Variants in TENM4 observed in about 807,000 individuals in gnomAD.
TENM4 encodes the protein teneurin-4.
Under a neutral mutation model 243.3 loss-of-function variants are expected in TENM4, and 82 were observed. That is an observed-to-expected ratio of 0.34 (90% CI 0.28 to 0.40). The LOEUF (loss-of-function observed/expected upper bound fraction) is 0.40. Ranked by LOEUF, TENM4 falls within the 10% of genes least tolerant of loss-of-function variation. The pLI is 1.00. For synonymous variants in TENM4, 1,412 were observed against 1,456.3 expected, an observed-to-expected ratio of 0.97 and a Z score of 0.69; for missense variants, 3,138 against 3,673.3, an observed-to-expected ratio of 0.85 and a Z score of 3.77.
chr11:78,666,170 T>A (rs1858155375), intron 32 of TENM4, among the ~76,000 whole-genome samples: 1 of 152,218 alleles, frequency 6.6e-6, no homozygotes, highest in Non-Finnish European at 1.5e-5. Flanking sequence ...TGATTGCACA[T>A]CTTTTTAAAT....
At chr11:78,850,280 C>T (rs909429519) in intron 12 of TENM4, among the ~76,000 whole-genome samples, 7 of 152,176 alleles carry the variant, frequency 4.6e-5, no homozygotes, top group African/African-American at 1.7e-4. Flanking sequence ...TTGTGAAACA[C>T]AATTATTTCT....
chr11:79,198,347 C>T lies in TENM4; in HGVS notation c.-163+17461G>A, dbSNP rs535863207. ...CACATAAACTAAACAAGTGTCCAAGCTCAGGCACCACCCACAGAAGTTCAG... is the reference window on the plus strand; with the variant it reads ...CACATAAACTAAACAAGTGTCCAAGTTCAGGCACCACCCACAGAAGTTCAG... On this transcript the variant is annotated intron_variant, in intron 3 of 33. Coordinates refer to ENST00000278550, the MANE Select transcript of TENM4 (RefSeq NM_001098816.3). 2.0e-5 allele frequency among the ~76,000 whole-genome samples: 3 copies of T among 152,286 alleles called. No individual in the cohort carries two copies. The South Asian group carries it at 6.2e-4, about 32-fold the overall frequency.
chr11:78,838,168 G>C (rs1858161347), intron 12 of TENM4, among the ~76,000 whole-genome samples: 1 of 152,090 alleles, frequency 6.6e-6, no homozygotes, highest in African/African-American at 2.4e-5. Flanking sequence ...TCAATTATTA[G>C]TGTGGTTAAA....
chr11:79,081,696 G>A (rs1860678928), intron 4 of TENM4, among the ~76,000 whole-genome samples: 1 of 152,154 alleles, frequency 6.6e-6, no homozygotes, highest in African/African-American at 2.4e-5. Context: ...CAGAACTGCT[G>A]CCCAATGGAT....
chr11:78,827,351 C>T (rs1413933912), intron 12 of TENM4, among the ~76,000 whole-genome samples: 3 of 152,098 alleles, frequency 2.0e-5, no homozygotes, highest in Admixed American at 1.3e-4. Flanking sequence ...CAAATTACTC[C>T]CCACCTGAAC....
At chr11:78,769,868 T>A (rs1361611813) in intron 18 of TENM4, among the ~76,000 whole-genome samples, 2 of 152,204 alleles carry the variant, frequency 1.3e-5, no homozygotes, top group Non-Finnish European at 2.9e-5. Context: ...TCAAGGCAAA[T>A]AAACCACAGA....
intron 6 of TENM4, among the ~76,000 whole-genome samples, chr11:78,964,321 G>A (rs1368343353): frequency 2.0e-5 from 3 of 152,286 alleles, no homozygotes; most frequent in Non-Finnish European, 2.9e-5. Flanking sequence ...GATTACAGGT[G>A]TGAGCCACCG....
chr11:79,017,905 T>A (rs1235632247), intron 6 of TENM4, among the ~76,000 whole-genome samples: 1 of 152,190 alleles, frequency 6.6e-6, no homozygotes, highest in Non-Finnish European at 1.5e-5. Context: ...AGTCTTTGAA[T>A]GTGGAGTCCT....
At chr11:78,775,135 A>C (rs1856716133) in intron 17 of TENM4, among the ~76,000 whole-genome samples, 1 of 152,250 alleles carries the variant, frequency 6.6e-6, no homozygotes, top group Non-Finnish European at 1.5e-5. Context: ...AAGTCTTAGA[A>C]TAAAGAAAGC....
At chr11:78,967,006 T>G (rs1265952906) in intron 6 of TENM4, among the ~76,000 whole-genome samples, 1 of 152,150 alleles carries the variant, frequency 6.6e-6, no homozygotes, top group African/African-American at 2.4e-5. Flanking sequence ...TTGTTCCTCC[T>G]CCCTGGGGCA....
At chr11:79,206,013 C>T (rs958896231) in intron 3 of TENM4, among the ~76,000 whole-genome samples, 1 of 152,184 alleles carries the variant, frequency 6.6e-6, no homozygotes, top group African/African-American at 2.4e-5. Context: ...GGCCAGGGTG[C>T]CCACTTGCTT....
At chr11:79,285,856 G>A (rs554291533) in intron 2 of TENM4, among the ~76,000 whole-genome samples, 5 of 152,174 alleles carry the variant, frequency 3.3e-5, no homozygotes, top group Non-Finnish European at 7.3e-5. Context: ...TAGATTAGTG[G>A]AGTGGTTGGC....
At chr11:79,085,238 G>T (rs1591270382) in intron 4 of TENM4, among the ~76,000 whole-genome samples, 1 of 152,016 alleles carries the variant, frequency 6.6e-6, no homozygotes, top group Middle Eastern at 3.4e-3. Flanking sequence ...TTAGCGGGGT[G>T]TGGTGGCGGG....
chr11:78,950,142 C>T (rs1040597476), intron 6 of TENM4, among the ~76,000 whole-genome samples: 1 of 152,144 alleles, frequency 6.6e-6, no homozygotes, highest in Non-Finnish European at 1.5e-5. Flanking sequence ...GGCCACTGCC[C>T]CTTACCATTA....
In TENM4 at chr11:79,220,113, G is replaced by A. The variant is rs76241236; in HGVS notation, c.-264-4204C>T. ...GAAGAATGTCAGTGAGAAACTCAGC[G>A]TTCCTGTGCCCTGGGCTGACCCCCT... On this transcript the variant is annotated intron_variant, in intron 2 of 33. Coordinates refer to ENST00000278550, the MANE Select transcript of TENM4 (RefSeq NM_001098816.3). Among the ~76,000 whole-genome samples the A allele has an allele frequency of 6.4e-3, 980 of 152,344 alleles. 12 individuals are homozygous for A. Among genetic ancestry groups the A allele is most frequent in the East Asian group, 0.038 (195 of 5,180 alleles).
At chr11:79,337,833 AG>A (rs1857172453) in intron 1 of TENM4, among the ~76,000 whole-genome samples, 1 of 152,228 alleles carries the variant, frequency 6.6e-6, no homozygotes. Flanking sequence ...GGCCTTGCCA[AG>A]GACAGGGGCA....
In TENM4 at chr11:78,826,074, TCC is replaced by T. The variant is rs1450839402; in HGVS notation, c.1682-11681_1682-11680del. 6.2e-5 allele frequency among the ~76,000 whole-genome samples: 7 copies of T among 112,020 alleles called. No homozygotes were observed. In the East Asian group the frequency reaches 1.1e-3, roughly 18 times the overall value. The allele number at this position is 112,020 out of a possible 152,430, so 73.5% of individuals were successfully genotyped here. ...AACCAAATAGAAAACCAAATCCCCC[TCC>T]TTTTTTTTTTTTTTTTTTTTTTTTT... On this transcript the variant is annotated intron_variant, in intron 12 of 33. Transcript: ENST00000278550.
intron 1 of TENM4, among the ~76,000 whole-genome samples, chr11:79,427,866 T>A (rs1271059372): frequency 6.6e-6 from 1 of 152,196 alleles, no homozygotes; most frequent in Non-Finnish European, 1.5e-5. Context: ...GGAACTGGAA[T>A]CTTTCCACGG....
chr11:79,212,846 G>C (rs1206229354), intron 3 of TENM4, among the ~76,000 whole-genome samples: 1 of 152,162 alleles, frequency 6.6e-6, no homozygotes, highest in African/African-American at 2.4e-5. Flanking sequence ...CGTTAAGCAG[G>C]AGGAGGCTAA....
Sources: allele counts gnomAD v4.1 joint callset (sites outside exome capture counted in the v4.1 genomes callset), GRCh38; gene constraint gnomAD v4.1.1; transcripts MANE v1.5; gene names NCBI Gene and HGNC (gene_info 2026-07-23, HGNC 2026-07-21).